C1orf87: variants seen among roughly 807,000 people sequenced by gnomAD.
C1orf87 encodes the protein chromosome 1 open reading frame 87.
In C1orf87, 58 loss-of-function variants were observed where a neutral mutation model predicts 60.5. That is an observed-to-expected ratio of 0.96 (90% CI 0.78 to 1.19). The LOEUF (loss-of-function observed/expected upper bound fraction) is 1.19. Among genes scored for constraint, C1orf87 ranks in the 50% most tolerant of loss-of-function variants. The pLI is 0.00. For synonymous variants in C1orf87, 236 were observed against 227.4 expected, an observed-to-expected ratio of 1.04 and a Z score of -0.34; for missense variants, 673 against 638.6, an observed-to-expected ratio of 1.05 and a Z score of -0.58.
intron 8 of C1orf87, among the ~76,000 whole-genome samples, chr1:60,018,487 C>G (rs1348998023): frequency 6.6e-6 from 1 of 151,944 alleles, no homozygotes; most frequent in African/African-American, 2.4e-5. Flanking sequence ...GTCTCATATT[C>G]CCGATTCTCA....
chr1:60,043,767 A>G (rs896288008), intron 3 of C1orf87, among the ~76,000 whole-genome samples: 3 of 144,760 alleles, frequency 2.1e-5, no homozygotes, highest in Admixed American at 1.4e-4. Context: ...AAATATTTCC[A>G]TTTTCAGCCA....
intron 11 of C1orf87, among the ~76,000 whole-genome samples, chr1:59,996,472 G>A (rs1227282509): frequency 2.6e-5 from 4 of 152,028 alleles, no homozygotes; most frequent in African/African-American, 4.8e-5. Context: ...GAAACTCTCC[G>A]TGCTCTCATT....
intron 3 of C1orf87, 84 bp downstream of exon 3, chr1:60,055,120 G>T: frequency 8.7e-7 from 1 of 1,148,916 alleles, no homozygotes; most frequent in Non-Finnish European, 1.3e-6. Context: ...CATTTGTACA[G>T]TGTGTTTTTG....
intron 6 of C1orf87, among the ~76,000 whole-genome samples, chr1:60,034,348 T>C (rs1645260390): frequency 6.6e-6 from 1 of 152,228 alleles, no homozygotes; most frequent in Admixed American, 6.5e-5. Context: ...TGTTTACTTA[T>C]CTAACAGCCA....
chr1:59,991,704 G>C (rs903020906), intron 11 of C1orf87, among the ~76,000 whole-genome samples: 11 of 152,202 alleles, frequency 7.2e-5, no homozygotes, highest in African/African-American at 2.4e-4. Context: ...CTGCGTAATA[G>C]AGGTGGTAAT....
Position 60,025,373 on chromosome 1 carries a change from A to C in C1orf87, c.1127+28T>G. On this transcript the variant is annotated intron_variant, in intron 8 of 11. Transcript: ENST00000371201. ...TGGGGAAGGGGTGGTGGATACAAAC[A>C]TTCAGTTCTTAATAAGAGTTGACTT... The C allele has an allele frequency of 1.9e-6, 3 of 1,549,846 alleles. No individual in the cohort carries two copies. The South Asian group carries it at 3.4e-5, about 18-fold the overall frequency.
chr1:60,045,236 C>G (rs892665614), intron 3 of C1orf87, among the ~76,000 whole-genome samples: 1 of 151,822 alleles, frequency 6.6e-6, no homozygotes, highest in Non-Finnish European at 1.5e-5. Flanking sequence ...TGTTAAATGG[C>G]TCAAAAATGG....
At position 60,072,468 on chromosome 1, in the gene C1orf87, G is replaced by C. The variant is rs1004072037; in HGVS notation, c.107+69C>G. ...GGCATTTTTTAAGTTTAAATTTCTG[G>C]GTGAAAACAAAACAATAAAACTTCA... On this transcript the variant is annotated intron_variant, in intron 2 of 11. Transcript: ENST00000371201. 17 of 1,238,270 alleles carry C rather than the reference G, an allele frequency of 1.4e-5. No individual in the cohort carries two copies. The African/African-American group carries it at 2.3e-4, about 16-fold the overall frequency. The allele number at this position is 1,238,270 out of a possible 1,614,324, so 76.7% of individuals were successfully genotyped here.
intron 6 of C1orf87, among the ~76,000 whole-genome samples, chr1:60,034,026 A>G (rs1369829224): frequency 1.3e-5 from 2 of 152,174 alleles, no homozygotes; most frequent in Non-Finnish European, 2.9e-5. Context: ...ACTGATGACA[A>G]ATGACATTTC....
intron 2 of C1orf87, among the ~76,000 whole-genome samples, chr1:60,070,737 A>G (rs1245352629): frequency 6.6e-6 from 1 of 152,194 alleles, no homozygotes; most frequent in Non-Finnish European, 1.5e-5. Context: ...TTATTTTACA[A>G]TTAATTTAGC....
At chr1:59,995,305 C>A (rs980623452) in intron 11 of C1orf87, among the ~76,000 whole-genome samples, 17 of 152,100 alleles carry the variant, frequency 1.1e-4, no homozygotes, top group Admixed American at 3.9e-4. Flanking sequence ...TTGTGAATAC[C>A]CAGACTCAGG....
intron 2 of C1orf87, among the ~76,000 whole-genome samples, chr1:60,059,190 T>C (rs1645477642): frequency 6.6e-6 from 1 of 152,248 alleles, no homozygotes; most frequent in African/African-American, 2.4e-5. Flanking sequence ...ACGCATTGGT[T>C]GTTATGTTGT....
chr1:60,000,770 G>T (rs1644997379), intron 10 of C1orf87, among the ~76,000 whole-genome samples: 1 of 152,086 alleles, frequency 6.6e-6, no homozygotes, highest in African/African-American at 2.4e-5. Flanking sequence ...TTGTGAATCG[G>T]TCACAAGCTT....
At chr1:60,018,464 G>C (rs546400478) in intron 8 of C1orf87, among the ~76,000 whole-genome samples, 1 of 151,968 alleles carries the variant, frequency 6.6e-6, no homozygotes, top group Non-Finnish European at 1.5e-5. Flanking sequence ...TATTTGCTCC[G>C]CATTTTCTCT....
Position 59,990,650 on chromosome 1 carries a change from G to A in C1orf87, c.*23C>T, listed in dbSNP as rs763760174. ...AAAAAGGGAGATAAGGGAAACATCTGTTCTCACAATATGGGCTTGTTATCA... is the reference window on the plus strand; with the variant it reads ...AAAAAGGGAGATAAGGGAAACATCTATTCTCACAATATGGGCTTGTTATCA... On this transcript the variant is annotated 3_prime_UTR_variant, in exon 12 of 12. Transcript: ENST00000371201. 1.9e-6 allele frequency: 3 copies of A among 1,611,602 alleles called. No individual in the cohort carries two copies. The highest frequency in any genetic ancestry group is 2.2e-5 in the East Asian group (1 of 44,850).
rs374728536 is a variant in C1orf87 at position 60,072,735 on chromosome 1, CAAT to C, written c.-27-68_-27-66del. On this transcript the variant is annotated intron_variant, in intron 1 of 11. Transcript: ENST00000371201. ...CATTAGGGAACTGCATCATCCTTGC[CAAT>C]AACAACAAGCAATAATAATAGCAGG... 55 of 774,786 alleles carry C rather than the reference CAAT, an allele frequency of 7.1e-5. No individual in the cohort carries two copies. The African/African-American group carries it at 8.8e-4, about 12-fold the overall frequency. 48.0% of individuals were successfully genotyped at this position (774,786 alleles called of 1,614,324 possible).
intron 6 of C1orf87, among the ~76,000 whole-genome samples, chr1:60,035,797 T>G (rs955624064): frequency 4.6e-5 from 7 of 152,214 alleles, no homozygotes; most frequent in African/African-American, 1.7e-4. Flanking sequence ...GGAACTATGT[T>G]AGAACTATGC....
intron 3 of C1orf87, among the ~76,000 whole-genome samples, chr1:60,046,352 C>T (rs1645370373): frequency 8.3e-6 from 1 of 120,138 alleles, no homozygotes; most frequent in South Asian, 3.3e-4. Context: ...TTCCTTTCTT[C>T]CTTTCCTTTC....
intron 11 of C1orf87, among the ~76,000 whole-genome samples, chr1:59,995,844 C>T (rs546680317): frequency 6.6e-6 from 1 of 152,272 alleles, no homozygotes; most frequent in South Asian, 2.1e-4. Context: ...ATTTGTAATA[C>T]TTAATGCTGT....
Sources: allele counts gnomAD v4.1 joint callset (sites outside exome capture counted in the v4.1 genomes callset), GRCh38; gene constraint gnomAD v4.1.1; transcripts MANE v1.5; gene names NCBI Gene and HGNC (gene_info 2026-07-23, HGNC 2026-07-21).